Variants in GPC6 observed in about 807,000 individuals in gnomAD.
GPC6 encodes glypican 6.
Under a neutral mutation model 55.2 loss-of-function variants are expected in GPC6, and 14 were observed. That is an observed-to-expected ratio of 0.25 (90% confidence interval 0.17 to 0.40). The LOEUF (loss-of-function observed/expected upper bound fraction) is 0.40, where lower values mean the gene tolerates loss of function less well. GPC6 is among the 10% of genes least tolerant of loss of function. The pLI is 1.00. For missense variants in GPC6, 641 were observed against 708.5 expected, an observed-to-expected ratio of 0.90 and a Z score of 1.08; for synonymous variants, 278 against 259.6, an observed-to-expected ratio of 1.07 and a Z score of -0.68.
chr13:93,483,353 C>T (rs1178756820), intron 1 of GPC6, among the ~76,000 whole-genome samples: 1 of 151,962 alleles, frequency 6.6e-6, no homozygotes, highest in Admixed American at 6.6e-5. Context: ...AGTCAATAAT[C>T]ATGTAGCAGA....
chr13:94,136,672 T>C (rs574926280), intron 4 of GPC6, among the ~76,000 whole-genome samples: 10 of 152,302 alleles, frequency 6.6e-5, no homozygotes, highest in African/African-American at 1.2e-4. Context: ...ATCTTGCCAC[T>C]GCACTCCAGC....
intron 4 of GPC6, among the ~76,000 whole-genome samples, chr13:94,229,349 C>G (rs1389967171): frequency 6.6e-6 from 1 of 152,072 alleles, no homozygotes; most frequent in Non-Finnish European, 1.5e-5. Context: ...CCTTGGAGGG[C>G]CTGGTTATCA....
intron 2 of GPC6, among the ~76,000 whole-genome samples, chr13:93,797,691 T>G (rs78389498): frequency 0.016 from 2,489 of 152,172 alleles, 34 homozygotes; most frequent in Non-Finnish European, 0.026. Flanking sequence ...AATAATGGCC[T>G]AAGAGAGAAA....
intron 1 of GPC6, among the ~76,000 whole-genome samples, chr13:93,459,707 G>T (rs564566595): frequency 6.6e-6 from 1 of 152,006 alleles, no homozygotes; most frequent in Non-Finnish European, 1.5e-5. Context: ...GTGTGCTCTC[G>T]ATCCTCCCCT....
intron 2 of GPC6, among the ~76,000 whole-genome samples, chr13:93,735,842 C>T (rs1264369887): frequency 6.6e-6 from 1 of 152,164 alleles, no homozygotes; most frequent in Non-Finnish European, 1.5e-5. Flanking sequence ...CATTTCTATG[C>T]TGGATATTTG....
chr13:94,101,935 C>A (rs1300405478), intron 4 of GPC6, among the ~76,000 whole-genome samples: 1 of 151,866 alleles, frequency 6.6e-6, no homozygotes, highest in Non-Finnish European at 1.5e-5. Context: ...TTTGTTAATG[C>A]AAAAACACTG....
At chr13:94,394,834 T>C (rs1275431221) in intron 7 of GPC6, among the ~76,000 whole-genome samples, 2 of 152,334 alleles carry the variant, frequency 1.3e-5, no homozygotes, top group East Asian at 3.9e-4. Flanking sequence ...TGAGCATCAG[T>C]AGGCACAGTT....
intron 3 of GPC6, among the ~76,000 whole-genome samples, chr13:93,846,305 C>T (rs1888178036): frequency 6.6e-6 from 1 of 152,136 alleles, no homozygotes; most frequent in Admixed American, 6.6e-5. Flanking sequence ...TGCCATTTAG[C>T]CCTTACATTA....
At chr13:94,398,802 C>T (rs900953234) in intron 8 of GPC6, among the ~76,000 whole-genome samples, 161 bp downstream of exon 8, 1 of 152,138 alleles carries the variant, frequency 6.6e-6, no homozygotes, top group African/African-American at 2.4e-5. Context: ...GAGCTCTGAT[C>T]CACAAAACAT....
At chr13:94,167,221 G>T (rs1010360257) in intron 4 of GPC6, among the ~76,000 whole-genome samples, 1 of 152,076 alleles carries the variant, frequency 6.6e-6, no homozygotes, top group South Asian at 2.1e-4. Flanking sequence ...ATAAAGAATA[G>T]AAATATTTGG....
intron 1 of GPC6, among the ~76,000 whole-genome samples, chr13:93,239,698 C>T (rs1331873658): frequency 6.7e-6 from 1 of 150,246 alleles, no homozygotes; most frequent in Non-Finnish European, 1.5e-5. Context: ...TCTTGTTTTT[C>T]TAGCTCCTTG....
intron 3 of GPC6, among the ~76,000 whole-genome samples, chr13:93,956,096 G>A (rs1879495355): frequency 6.6e-6 from 1 of 152,028 alleles, no homozygotes; most frequent in South Asian, 2.1e-4. Context: ...CAAATATACA[G>A]CTCCCCTTTC....
chr13:94,356,001 A>G (rs1005613879), intron 6 of GPC6, among the ~76,000 whole-genome samples: 2 of 151,842 alleles, frequency 1.3e-5, no homozygotes, highest in Admixed American at 1.3e-4. Context: ...TTTATTGTTC[A>G]GCTCCCACTT....
In GPC6 at chr13:93,925,994, G is replaced by A. The variant is rs903939580; in HGVS notation, c.711+95449G>A. Among the ~76,000 whole-genome samples the A allele has an allele frequency of 5.3e-5, 8 of 152,272 alleles. No individual in the cohort carries two copies. The East Asian group carries it at 5.8e-4, about 11-fold the overall frequency. On this transcript the variant is annotated intron_variant, in intron 3 of 8. Transcript: ENST00000377047. ...CTCTTATTCTTTGCATAGCCTCATC[G>A]TGTGGGTATCTTGGGCATCTTCACA...
intron 4 of GPC6, among the ~76,000 whole-genome samples, chr13:94,202,495 C>G (rs952234601): frequency 6.6e-6 from 1 of 152,074 alleles, no homozygotes; most frequent in Non-Finnish European, 1.5e-5. Context: ...CTTATAAAAC[C>G]ATCAGATCTC....
At chr13:93,275,914 G>T (rs1437270168) in intron 1 of GPC6, among the ~76,000 whole-genome samples, 2 of 152,058 alleles carry the variant, frequency 1.3e-5, no homozygotes, top group African/African-American at 2.4e-5. Flanking sequence ...TGGCTCTGTC[G>T]CCCAGGCTGG....
intron 3 of GPC6, among the ~76,000 whole-genome samples, chr13:94,009,135 T>G (rs1346983152): frequency 2.0e-5 from 3 of 152,162 alleles, no homozygotes; most frequent in Non-Finnish European, 4.4e-5. Context: ...TGTTGCAAAT[T>G]TTTTCCTTAA....
intron 1 of GPC6, among the ~76,000 whole-genome samples, chr13:93,347,992 G>A (rs1880487708): frequency 6.6e-6 from 1 of 152,194 alleles, no homozygotes; most frequent in African/African-American, 2.4e-5. Context: ...ATCCTGAGAT[G>A]TCCTACAGTT....
At chr13:93,455,560 C>A (rs12873626) in intron 1 of GPC6, among the ~76,000 whole-genome samples, 65,682 of 151,582 alleles carry the variant, frequency 0.43, 15,432 homozygotes, top group Middle Eastern at 0.6. Flanking sequence ...CACTCTTTAG[C>A]AGGTAGACTC....
Sources: gnomAD v4.1 joint callset for allele counts (sites outside exome capture counted in the v4.1 genomes callset) on GRCh38, gnomAD v4.1.1 for gene constraint, MANE v1.5 for transcripts, NCBI Gene and HGNC (gene_info 2026-07-23, HGNC 2026-07-21) for gene names.